Variants in SH2D3C observed in about 807,000 individuals in gnomAD.
SH2D3C encodes SH2 domain-containing protein 3C.
Under a neutral mutation model 75.2 loss-of-function variants are expected in SH2D3C, and 25 were observed. The ratio of observed to expected loss-of-function variants is 0.33; its 90% confidence interval spans 0.24 to 0.46. SH2D3C has a LOEUF of 0.46. SH2D3C is among the 20% of genes least tolerant of loss of function. SH2D3C has a pLI of 1.00. For synonymous variants in SH2D3C, 450 were observed against 473.7 expected (o/e 0.95, Z 0.65); for missense variants, 933 against 1,165.3 (o/e 0.80, Z 2.90).
In SH2D3C at chr9:127,774,229, C is replaced by T. The variant is rs752821005; in HGVS notation, c.276G>A (p.Gln92=). 4.3e-6 allele frequency: 7 copies of T among 1,614,020 alleles called. No homozygotes were observed. The East Asian group carries it at 8.9e-5, about 21-fold the overall frequency. ...CCGCCTCCTGGGCCTGCCGGGCAGC[C>T]TGTGAGTTCTGTGCTTTCTTGATGC... ...RPSIKKAQNS[Q]AARQAQEAGP... The change falls in exon 2 of 12, where the codon CAG becomes CAA. Residue 92 remains glutamine (Q), a synonymous_variant. Transcript: ENST00000314830. This position sits in a 1 kb window ranked among gnomAD's most constrained non-coding sequence, Gnocchi z 4.3.
intron 2 of SH2D3C, 148 bp downstream of exon 2, chr9:127,773,842 C>T (rs1377668987): frequency 3.4e-5 from 20 of 587,290 alleles, no homozygotes; most frequent in Admixed American, 9.1e-5. Flanking sequence ...TGCTTGGACC[C>T]GGGAGGCAGA....
At chr9:127,750,879 C>A (rs1200720908) in intron 4 of SH2D3C, among the ~76,000 whole-genome samples, 1 of 152,204 alleles carries the variant, frequency 6.6e-6, no homozygotes, top group Non-Finnish European at 1.5e-5. Context: ...ATAATAAGAA[C>A]AAAGGCCAAC....
intron 2 of SH2D3C, chr9:127,771,128 C>T (rs1299909079): frequency 2.5e-5 from 34 of 1,367,798 alleles, no homozygotes; most frequent in South Asian, 4.3e-5. Flanking sequence ...TGCAGATTTC[C>T]TCCTTCGACC....
At chr9:127,778,335 T>C (rs1243719184) in intron 1 of SH2D3C, among the ~76,000 whole-genome samples, 2 of 151,718 alleles carry the variant, frequency 1.3e-5, no homozygotes, top group Non-Finnish European at 2.9e-5. Context: ...TCCTAGCTAC[T>C]TGCCTAGCTT....
rs1173408828 is a variant in SH2D3C, at chr9:127,739,190, G to A, written c.2408-269C>T. Among the ~76,000 whole-genome samples the A allele has an allele frequency of 1.3e-5, 2 of 151,696 alleles. No individual in the cohort carries two copies. Among genetic ancestry groups the A allele is most frequent in the African/African-American group, 4.8e-5 (2 of 41,240 alleles). ...TTCTTTTTTCGTATTTTTCTGTTAA[G>A]TTCCAAATTATTTCCTAAGAAAGAT... is the stretch of plus-strand genomic sequence containing the variant. On this transcript the variant is annotated intron_variant, in intron 11 of 11. Coordinates refer to ENST00000314830, the MANE Select transcript of SH2D3C (RefSeq NM_170600.3). The surrounding 1 kb of genome is among the most constrained non-coding windows in gnomAD (Gnocchi z 4.3).
intron 3 of SH2D3C, among the ~76,000 whole-genome samples, chr9:127,760,862 CT>C (rs534276504): frequency 6.6e-6 from 1 of 151,254 alleles, no homozygotes; most frequent in East Asian, 1.9e-4. Flanking sequence ...ACTGCATTTT[CT>C]TTTTTTTTCT....
chr9:127,751,320 A>G lies in SH2D3C; in HGVS notation c.556-20T>C. 1 of 1,612,482 alleles carries G rather than the reference A, an allele frequency of 6.2e-7. No homozygotes were observed. Among genetic ancestry groups the G allele is most frequent in the Non-Finnish European group, 8.5e-7 (1 of 1,178,988 alleles). On this transcript the variant is annotated intron_variant, in intron 3 of 11. Coordinates refer to ENST00000314830, the MANE Select transcript of SH2D3C (RefSeq NM_170600.3). The surrounding 1 kb of genome is among the most constrained non-coding windows in gnomAD (Gnocchi z 4.1). The stretch of plus-strand genomic sequence containing the variant: ...GGAGAACTGGGTAGAAAACAGCAAG[A>G]GTTGGCATCCAACTTAAAGTCTCCT...
chr9:127,746,218 C>T (rs1380199989), intron 6 of SH2D3C, among the ~76,000 whole-genome samples: 1 of 152,144 alleles, frequency 6.6e-6, no homozygotes, highest in African/African-American at 2.4e-5. Context: ...AAGTTGGTGG[C>T]TCTGTGTTTA....
chr9:127,752,054 G>A lies in SH2D3C; in HGVS notation c.556-754C>T, dbSNP rs111577974. On this transcript the variant is annotated intron_variant, in intron 3 of 11. Transcript: ENST00000314830. ...ACCATGGCCCAGCAGGGAAGCCCAA[G>A]GCCACTGAGGGAGATAATGTCCAGT... Among the ~76,000 whole-genome samples, 162 of 152,264 alleles carry A rather than the reference G, an allele frequency of 1.1e-3. 2 individuals carry two copies. The highest frequency in any genetic ancestry group is 3.7e-3 in the African/African-American group (155 of 41,538).
chr9:127,768,914 CCCTT>C (rs1465309573), intron 2 of SH2D3C, among the ~76,000 whole-genome samples: 1 of 152,202 alleles, frequency 6.6e-6, no homozygotes, highest in Non-Finnish European at 1.5e-5. Flanking sequence ...GAGGGTTTGT[CCCTT>C]CGTCTCCTTT....
Position 127,744,661 on chromosome 9 carries a change from C to T in SH2D3C, c.1703G>A (p.Arg568Gln), listed in dbSNP as rs774551766. The change falls in exon 7 of 12, where the codon CGG becomes CAG. Residue 568 changes from arginine to glutamine, a missense_variant. Coordinates refer to ENST00000314830, the MANE Select transcript of SH2D3C (RefSeq NM_170600.3). ...GCGCAGAAGGCCCACCTCCAGTGGC[C>T]GGTTATCCCTGGGGATCAGTAGTGA... is the stretch of plus-strand genomic sequence containing the variant. ...FQSLLIPRDN[R>Q]PLEVGLLRKV... The T allele has an allele frequency of 6.8e-6, 11 of 1,614,018 alleles. No individual in the cohort carries two copies. The highest frequency in any genetic ancestry group is 3.3e-5 in the Admixed American group (2 of 59,988).
At chr9:127,772,566 CTTTT>C (rs1564426044) in intron 2 of SH2D3C, among the ~76,000 whole-genome samples, 1 of 151,766 alleles carries the variant, frequency 6.6e-6, no homozygotes, top group Admixed American at 6.6e-5. Context: ...GGCCAGCTGA[CTTTT>C]TTTCTTTATT....
intron 3 of SH2D3C, chr9:127,755,117 C>T: frequency 8.2e-7 from 1 of 1,218,522 alleles, no homozygotes. Context: ...AAGCAGCAGG[C>T]GGCGGCCGAC....
In SH2D3C at chr9:127,749,093, T is replaced by C. The variant is rs1777458557; in HGVS notation, c.1139+118A>G. The C allele has an allele frequency of 3.7e-6, 3 of 807,044 alleles. No individual in the cohort carries two copies. The highest frequency in any genetic ancestry group is 5.9e-6 in the Non-Finnish European group (3 of 508,622). 50.0% of individuals were successfully genotyped at this position (807,044 alleles called of 1,614,324 possible). On this transcript the variant is annotated intron_variant, in intron 5 of 11. Coordinates refer to ENST00000314830, the MANE Select transcript of SH2D3C (RefSeq NM_170600.3). The surrounding 1 kb of genome is among the most constrained non-coding windows in gnomAD (Gnocchi z 5.9). The stretch of plus-strand genomic sequence containing the variant: ...GCCCAACCTTCCTCCCATTCCTCCC[T>C]GCACACAGAGGCTCCAGGAGAGTAA...
At chr9:127,743,251 C>T (rs1844920336) in intron 7 of SH2D3C, among the ~76,000 whole-genome samples, 1 of 152,186 alleles carries the variant, frequency 6.6e-6, no homozygotes, top group African/African-American at 2.4e-5. Context: ...GCCTGTAATG[C>T]CAGCACTTTG....
intron 9 of SH2D3C, among the ~76,000 whole-genome samples, chr9:127,741,535 C>A (rs552514799): frequency 6.6e-6 from 1 of 152,312 alleles, no homozygotes; most frequent in Non-Finnish European, 1.5e-5. Context: ...CGGCACCCGG[C>A]CTATTCTTAT....
At position 127,749,553 on chromosome 9, in the gene SH2D3C, T is replaced by C. The variant is rs1226731334; in HGVS notation, c.797A>G (p.Lys266Arg). Residue 266 changes from lysine (K) to arginine (R), a missense_variant, in exon 5 of 12, where the codon AAG (lysine) becomes AGG (arginine). Coordinates refer to ENST00000314830, the MANE Select transcript of SH2D3C (RefSeq NM_170600.3). The surrounding 1 kb of genome is among the most constrained non-coding windows in gnomAD (Gnocchi z 5.9). ...CRWRNQALHF[K>R]INKVVVKAGE... ...TGCCTTCACCACCACCTTGTTGATC[T>C]TGAAGTGCAAGGCCTGGTTGCGCCA... The C allele has an allele frequency of 2.5e-6, 4 of 1,613,444 alleles. No homozygotes were observed. Among genetic ancestry groups the C allele is most frequent in the Non-Finnish European group, 3.4e-6 (4 of 1,179,728 alleles).
chr9:127,760,564 G>C (rs572520817), intron 3 of SH2D3C, among the ~76,000 whole-genome samples: 3 of 151,994 alleles, frequency 2.0e-5, no homozygotes, highest in South Asian at 2.1e-4. Flanking sequence ...TGCACATTCT[G>C]CACATGAACG....
At chr9:127,761,006 A>AT (rs1405321921) in intron 3 of SH2D3C, among the ~76,000 whole-genome samples, 1 of 151,924 alleles carries the variant, frequency 6.6e-6, no homozygotes, top group Non-Finnish European at 1.5e-5. Context: ...CTTCTGGCTA[A>AT]TTTTTTGTAT....
Sources: gnomAD v4.1 joint callset for allele counts (sites outside exome capture counted in the v4.1 genomes callset) on GRCh38, gnomAD v4.1.1 for gene constraint, Gnocchi (gnomAD v3.1) non-coding constraint, MANE v1.5 for transcripts, NCBI Gene and HGNC (gene_info 2026-07-23, HGNC 2026-07-21) for gene names.